The following RBFOX1 variants were observed in gnomAD, a reference collection of about 807,000 sequenced individuals.
RBFOX1 encodes RNA binding protein fox-1 homolog 1.
A neutral mutation model predicts 57.7 loss-of-function variants in RBFOX1; 8 were observed. The ratio of observed to expected loss-of-function variants is 0.14; its 90% CI spans 0.08 to 0.25. RBFOX1 has a LOEUF of 0.25. RBFOX1 is among the 10% of genes least tolerant of loss of function. RBFOX1 has a pLI of 1.00. For synonymous variants in RBFOX1, 326 were observed against 222.4 expected (o/e 1.47, Z -4.15); for missense variants, 611 against 548.5 (o/e 1.11, Z -1.14).
intron 4 of RBFOX1, among the ~76,000 whole-genome samples, chr16:7,221,123 A>G (rs573775625): frequency 4.8e-4 from 73 of 152,182 alleles, no homozygotes; most frequent in Middle Eastern, 3.4e-3. Flanking sequence ...GCTGCGTTTT[A>G]TGTGGTGGCT....
intron 2 of RBFOX1, among the ~76,000 whole-genome samples, chr16:6,616,923 A>G (rs1057126239): frequency 6.6e-6 from 1 of 152,188 alleles, no homozygotes; most frequent in Non-Finnish European, 1.5e-5. Flanking sequence ...TCATTTGTTT[A>G]CATATTGTCT....
At chr16:6,925,492 A>G (rs184601824) in intron 3 of RBFOX1, among the ~76,000 whole-genome samples, 1 of 149,194 alleles carries the variant, frequency 6.7e-6, no homozygotes, top group East Asian at 1.9e-4. Flanking sequence ...TGTCCTATCC[A>G]CCCTATTCCA....
At chr16:7,593,774 G>A (rs1430988981) in intron 7 of RBFOX1, among the ~76,000 whole-genome samples, 1 of 151,964 alleles carries the variant, frequency 6.6e-6, no homozygotes, top group African/African-American at 2.4e-5. Context: ...TGTGGGACTT[G>A]GAAATGCAAG....
intron 3 of RBFOX1, among the ~76,000 whole-genome samples, chr16:5,771,463 C>T (rs2053973888): frequency 6.6e-6 from 1 of 152,204 alleles, no homozygotes; most frequent in African/African-American, 2.4e-5. Context: ...GGCTGGAGTG[C>T]AGTAGAATGA....
intron 1 of RBFOX1, among the ~76,000 whole-genome samples, chr16:5,368,056 C>G (rs2065768617): frequency 6.6e-6 from 1 of 152,170 alleles, no homozygotes; most frequent in Non-Finnish European, 1.5e-5. Context: ...TGGAGAGACC[C>G]ACATGAGCTC....
intron 4 of RBFOX1, among the ~76,000 whole-genome samples, chr16:7,342,047 C>T (rs1005254129): frequency 2.0e-5 from 3 of 152,028 alleles, no homozygotes; most frequent in African/African-American, 4.8e-5. Context: ...CCACATTGTT[C>T]TCAGGAACTG....
intron 2 of RBFOX1, among the ~76,000 whole-genome samples, chr16:6,612,887 G>C (rs547695638): frequency 3.9e-5 from 5 of 128,564 alleles, no homozygotes; most frequent in Non-Finnish European, 8.6e-5. Flanking sequence ...ATATTTGTTT[G>C]TTCCAGAGGG....
chr16:5,389,106 G>A (rs1419412622), intron 1 of RBFOX1, among the ~76,000 whole-genome samples: 1 of 151,722 alleles, frequency 6.6e-6, no homozygotes, highest in Non-Finnish European at 1.5e-5. Flanking sequence ...CAGGAGAATG[G>A]CGTGAACCCG....
intron 1 of RBFOX1, among the ~76,000 whole-genome samples, chr16:5,321,898 G>C (rs1244019026): frequency 6.6e-6 from 1 of 152,134 alleles, no homozygotes; most frequent in Non-Finnish European, 1.5e-5. Flanking sequence ...ACACCTTGCT[G>C]CACGGCCTTA....
chr16:6,101,893 T>G (rs936538621), intron 1 of RBFOX1, among the ~76,000 whole-genome samples: 16 of 152,234 alleles, frequency 1.1e-4, no homozygotes, highest in African/African-American at 3.6e-4. Context: ...TGTCCGTTCC[T>G]GGGAGGTGAT....
At chr16:6,931,335 A>ATCTG (rs1392045619) in intron 3 of RBFOX1, among the ~76,000 whole-genome samples, 2 of 105,916 alleles carry the variant, frequency 1.9e-5, no homozygotes, top group African/African-American at 3.4e-5. Flanking sequence ...CTATCTATCT[A>ATCTG]TCTCTACACA....
chr16:6,627,371 C>T (rs1484499052), intron 2 of RBFOX1, among the ~76,000 whole-genome samples: 6 of 152,062 alleles, frequency 3.9e-5, no homozygotes, highest in African/African-American at 1.4e-4. Context: ...ACATGCACTG[C>T]TTGGAGGAAG....
intron 3 of RBFOX1, among the ~76,000 whole-genome samples, chr16:6,985,798 C>T (rs1183498708): frequency 6.9e-6 from 1 of 144,942 alleles, no homozygotes; most frequent in African/African-American, 2.7e-5. Flanking sequence ...GGTGCTACTG[C>T]ACTCCGGCCT....
At chr16:5,806,271 A>G (rs773255357) in intron 3 of RBFOX1, among the ~76,000 whole-genome samples, 1 of 152,180 alleles carries the variant, frequency 6.6e-6, no homozygotes, top group Non-Finnish European at 1.5e-5. Flanking sequence ...TTATTTTCTC[A>G]CAGTTCTGGA....
intron 3 of RBFOX1, among the ~76,000 whole-genome samples, chr16:6,722,444 C>G (rs974900938): frequency 6.6e-6 from 1 of 152,204 alleles, no homozygotes; most frequent in Non-Finnish European, 1.5e-5. Context: ...ACATCTCATT[C>G]TCTTCCATCC....
chr16:5,983,667 A>C (rs149285894), intron 4 of RBFOX1, among the ~76,000 whole-genome samples: 11 of 151,968 alleles, frequency 7.2e-5, no homozygotes, highest in Non-Finnish European at 1.2e-4. Flanking sequence ...CTGTAACTCA[A>C]CCTCCATCCT....
In RBFOX1 at chr16:5,911,650, C is replaced by T. The variant is rs11866849; in HGVS notation, c.351+44315C>T. On this transcript the variant is annotated intron_variant, in intron 4 of 19. Coordinates refer to the RBFOX1 transcript ENST00000641259. ...ATGTAACAAAATACCATGAACAGGG[C>T]CACTTCTAAACAGCAGAGATTTATT... 1.7e-3 allele frequency among the ~76,000 whole-genome samples: 264 copies of T among 152,246 alleles called. 1 individual carries two copies. The highest frequency in any genetic ancestry group is 6.1e-3 in the African/African-American group (252 of 41,538).
At chr16:6,475,949 C>G (rs1056674806) in intron 2 of RBFOX1, among the ~76,000 whole-genome samples, 4 of 151,900 alleles carry the variant, frequency 2.6e-5, no homozygotes, top group African/African-American at 4.8e-5. Context: ...TTTTTTTCCC[C>G]CTATGAAGAA....
intron 3 of RBFOX1, among the ~76,000 whole-genome samples, chr16:6,877,300 C>G (rs2062026782): frequency 6.6e-6 from 1 of 152,188 alleles, no homozygotes; most frequent in African/African-American, 2.4e-5. Flanking sequence ...ATGCTTCTAT[C>G]TAGTTTTATG....
Sources: gnomAD v4.1 joint callset for allele counts (sites outside exome capture counted in the v4.1 genomes callset) on GRCh38, gnomAD v4.1.1 for gene constraint, MANE v1.5 for transcripts, NCBI Gene and HGNC (gene_info 2026-07-23, HGNC 2026-07-21) for gene names.